The following CNDP1 variants were observed in gnomAD, a reference collection of about 807,000 sequenced individuals.
CNDP1 encodes carnosine dipeptidase 1.
CNDP1 carries 44 observed loss-of-function variants against 58.1 expected under a neutral mutation model. That is an observed-to-expected ratio of 0.76 (90% CI 0.60 to 0.97). The LOEUF is 0.97. Ranked by LOEUF, CNDP1 falls within the 50% of genes least tolerant of loss-of-function variation. The pLI is 0.00. For synonymous variants in CNDP1, 254 were observed against 252.6 expected (o/e 1.01, Z -0.05); for missense variants, 616 against 655.1 (o/e 0.94, Z 0.65).
chr18:74,551,894 A>G lies in CNDP1; in HGVS notation c.25-4444A>G, dbSNP rs144451169. On this transcript the variant is annotated intron_variant, in intron 1 of 11. Coordinates refer to ENST00000358821, the MANE Select transcript of CNDP1 (RefSeq NM_032649.6). ...GCTCAAATGTTAATGTAGATGGATC[A>G]ATTGGATCGATTGCGAAAAAAAAAA... Among the ~76,000 whole-genome samples, 1,358 of 151,692 alleles carry G rather than the reference A, an allele frequency of 9.0e-3. 21 individuals carry two copies. Among genetic ancestry groups the G allele is most frequent in the African/African-American group, 0.031 (1,263 of 41,202 alleles).
chr18:74,573,925 A>G (rs1981563538), intron 7 of CNDP1, among the ~76,000 whole-genome samples: 1 of 152,162 alleles, frequency 6.6e-6, no homozygotes, highest in Non-Finnish European at 1.5e-5. Context: ...TAATTTCTGG[A>G]TTGTGTCCTC....
In CNDP1 at chr18:74,537,621, G is replaced by C. The variant is rs149993548; in HGVS notation, c.24+2930G>C. ...GGACTGGATGAGGTTTGGGGAGCTG[G>C]ACCACAGGATGCAGAGGGGGCTCTG... On this transcript the variant is annotated intron_variant, in intron 1 of 11. Coordinates refer to ENST00000358821, the MANE Select transcript of CNDP1 (RefSeq NM_032649.6). Among the ~76,000 whole-genome samples, 500 of 152,254 alleles carry C rather than the reference G, an allele frequency of 3.3e-3. 2 individuals carry two copies. Among genetic ancestry groups the C allele is most frequent in the African/African-American group, 0.011 (463 of 41,530 alleles).
chr18:74,544,278 T>G (rs1369150878), intron 1 of CNDP1, among the ~76,000 whole-genome samples: 1 of 152,098 alleles, frequency 6.6e-6, no homozygotes, highest in Non-Finnish European at 1.5e-5. Context: ...AAAATAAATG[T>G]GCATTGGCAT....
chr18:74,559,265 C>T (rs1170428806), intron 2 of CNDP1, 58 bp from the exon 3 acceptor site: 5 of 1,585,698 alleles, frequency 3.2e-6, no homozygotes, highest in Admixed American at 3.4e-5. Flanking sequence ...CCCTTCGCTC[C>T]CCCCGCAGAG....
At position 74,561,030 on chromosome 18, in the gene CNDP1, G is replaced by T. The variant is rs772791562; in HGVS notation, c.466+12G>T. The T allele has an allele frequency of 1.2e-6, 2 of 1,609,056 alleles. No homozygotes were observed. Among genetic ancestry groups the T allele is most frequent in the African/African-American group, 1.3e-5 (1 of 74,792 alleles). On this transcript the variant is annotated intron_variant, in intron 4 of 11. Transcript: ENST00000358821. Reference sequence around the variant, plus strand: ...GACGGAGGTAGACGGTCAGTGAGGCGCCCGGGCTACAGTGCGGTGCTGCTG... The same window carrying T: ...GACGGAGGTAGACGGTCAGTGAGGCTCCCGGGCTACAGTGCGGTGCTGCTG...
In CNDP1 at chr18:74,586,941, A is replaced by G. The variant is rs1370230210; in HGVS notation, c.*2379A>G. The stretch of plus-strand genomic sequence containing the variant: ...ATATTTGTTTTTTAACATTTTAATG[A>G]TGAAATATATGCACTTGGACAAAAA... On this transcript the variant is annotated 3_prime_UTR_variant, in exon 12 of 12. Transcript: ENST00000358821. 2.0e-5 allele frequency: 3 copies of G among 152,246 alleles called. No individual in the cohort carries two copies. The highest frequency in any genetic ancestry group is 4.4e-5 in the Non-Finnish European group (3 of 68,040). The allele number at this position is 152,246 out of a possible 1,614,324, so 9.4% of individuals were successfully genotyped here.
chr18:74,574,090 G>A (rs552012671), intron 7 of CNDP1, among the ~76,000 whole-genome samples: 52 of 152,308 alleles, frequency 3.4e-4, no homozygotes, highest in African/African-American at 1.0e-3. Flanking sequence ...GGTGAGAGTC[G>A]GCTGTGCTGT....
chr18:74,563,323 G>A (rs1440523283), intron 5 of CNDP1, among the ~76,000 whole-genome samples: 2 of 152,086 alleles, frequency 1.3e-5, no homozygotes, highest in African/African-American at 4.8e-5. Context: ...CATTCGATGT[G>A]GCCTTGGTTT....
Position 74,584,696 on chromosome 18 carries a change from T to C in CNDP1, c.*134T>C, listed in dbSNP as rs541437369. 2.9e-4 allele frequency: 199 copies of C among 687,680 alleles called. 1 individual carries two copies. Among genetic ancestry groups the C allele is most frequent in the African/African-American group, 2.8e-3 (158 of 55,644 alleles). 42.6% of individuals were successfully genotyped at this position (687,680 alleles called of 1,614,324 possible). A position where few individuals can be genotyped will look rare whatever the true frequency, so the allele number is the denominator to read the frequency against. ...CATTTTCCCTTCCATTTAAAATGTCTTGGGATATCTGGATCAGTAATAAAA... is the reference window on the plus strand; with the variant it reads ...CATTTTCCCTTCCATTTAAAATGTCCTGGGATATCTGGATCAGTAATAAAA... On this transcript the variant is annotated 3_prime_UTR_variant, in exon 12 of 12. Transcript: ENST00000358821.
Position 74,567,347 on chromosome 18 carries a change from A to T in CNDP1, c.670A>T (p.Ile224Phe). The change falls in exon 6 of 12, where the codon ATT becomes TTT. Residue 224 changes from isoleucine to phenylalanine, a missense_variant. By Grantham distance (21) the Ile-to-Phe change is conservative. Coordinates refer to ENST00000358821, the MANE Select transcript of CNDP1 (RefSeq NM_032649.6). ...CCGATTCTTCTCTGGTGTGGACTAC[A>T]TTGTAATTTCAGATAACCTGTGGAT... ...KDRFFSGVDYIVISDNLWISQ... is the reference protein window; with the variant it reads ...KDRFFSGVDYFVISDNLWISQ... 1.2e-6 allele frequency: 2 copies of T among 1,614,178 alleles called. No homozygotes were observed. The highest frequency in any genetic ancestry group is 8.5e-7 in the Non-Finnish European group (1 of 1,180,028).
At chr18:74,537,831 C>T (rs879572385) in intron 1 of CNDP1, among the ~76,000 whole-genome samples, 1 of 152,202 alleles carries the variant, frequency 6.6e-6, no homozygotes, top group South Asian at 2.1e-4. Context: ...ACTTTGTCCA[C>T]ACTCCTTGTT....
chr18:74,557,983 A>G (rs1010193609), intron 2 of CNDP1, among the ~76,000 whole-genome samples: 1 of 152,222 alleles, frequency 6.6e-6, no homozygotes, highest in African/African-American at 2.4e-5. Context: ...CAGCCAAAAC[A>G]TCTCTTCCTA....
rs745468046 is a variant in CNDP1 at position 74,545,006 on chromosome 18, A to G, written c.24+10315A>G. On this transcript the variant is annotated intron_variant, in intron 1 of 11. Coordinates refer to ENST00000358821, the MANE Select transcript of CNDP1 (RefSeq NM_032649.6). This position sits in a 1 kb window ranked among gnomAD's most constrained non-coding sequence, Gnocchi z 4.1. ...ACGGAGGCAGAGACTGGAAGGACAC[A>G]GTCACAGCAAAGGACTGCTGCCAAC... 1.1e-4 allele frequency among the ~76,000 whole-genome samples: 17 copies of G among 152,080 alleles called. No homozygotes were observed. The highest frequency in any genetic ancestry group is 2.1e-4 in the Non-Finnish European group (14 of 67,948).
At chr18:74,555,404 C>T (rs981358815) in intron 1 of CNDP1, among the ~76,000 whole-genome samples, 4 of 152,164 alleles carry the variant, frequency 2.6e-5, no homozygotes, top group Admixed American at 6.5e-5. Context: ...TTCTCCAGCC[C>T]GCCTCTGATG....
chr18:74,539,542 C>G (rs903536530), intron 1 of CNDP1, among the ~76,000 whole-genome samples: 15 of 152,190 alleles, frequency 9.9e-5, no homozygotes, highest in Middle Eastern at 3.2e-3. Context: ...CAGGGAGTTT[C>G]CCCACCTGCA....
chr18:74,543,158 T>C (rs1228685846), intron 1 of CNDP1, among the ~76,000 whole-genome samples: 3 of 152,140 alleles, frequency 2.0e-5, no homozygotes, highest in Non-Finnish European at 4.4e-5. Context: ...TATTAAAGAA[T>C]GAGAAAATAC....
chr18:74,577,185 T>C, intron 8 of CNDP1, 156 bp downstream of exon 8: 1 of 633,424 alleles, frequency 1.6e-6, no homozygotes, highest in Non-Finnish European at 2.5e-6. Flanking sequence ...CACAGCCACT[T>C]CCCCGTGGGC....
intron 3 of CNDP1, 119 bp downstream of exon 3, chr18:74,559,591 A>C: frequency 1.2e-6 from 1 of 860,898 alleles, no homozygotes; most frequent in Admixed American, 3.1e-5. Flanking sequence ...CCATAACCCC[A>C]ATTCCCAATG....
chr18:74,540,808 G>A (rs1330456603), intron 1 of CNDP1, among the ~76,000 whole-genome samples: 6 of 152,158 alleles, frequency 3.9e-5, no homozygotes, highest in Non-Finnish European at 7.3e-5. Flanking sequence ...ATGTGAAGAC[G>A]CAATAAAAAT....
Sources: allele counts gnomAD v4.1 joint callset (sites outside exome capture counted in the v4.1 genomes callset), GRCh38; gene constraint gnomAD v4.1.1; non-coding constraint Gnocchi (gnomAD v3.1); transcripts MANE v1.5; gene names NCBI Gene and HGNC (gene_info 2026-07-23, HGNC 2026-07-21).